KDSR: variants seen among roughly 807,000 people sequenced by gnomAD.
The protein encoded by KDSR is 3-ketodihydrosphingosine reductase.
Under a neutral mutation model 41.3 loss-of-function variants are expected in KDSR, and 23 were observed. The observed-to-expected ratio is 0.56, with a 90% CI of 0.40 to 0.79. The LOEUF (loss-of-function observed/expected upper bound fraction) is 0.79. Ranked by LOEUF, KDSR falls within the 30% of genes least tolerant of loss-of-function variation. KDSR has a pLI of 0.00. For missense variants in KDSR, 351 were observed against 416.8 expected (o/e 0.84, Z 1.37); for synonymous variants, 138 against 151.7 (o/e 0.91, Z 0.66).
At position 63,341,483 on chromosome 18, in the gene KDSR, A is replaced by G. The variant is rs12455992; in HGVS notation, c.694-2600T>C. ...AAAGGCCCAAGAGATTAAAAAAAAA[A>G]AGAGAGAGAAAATAGAAGGAAATTA... On this transcript the variant is annotated intron_variant, in intron 7 of 9. Transcript: ENST00000645214. Among the ~76,000 whole-genome samples, 411 of 152,154 alleles carry G rather than the reference A, an allele frequency of 2.7e-3. 6 individuals carry two copies. The highest frequency in any genetic ancestry group is 0.017 in the Admixed American group (254 of 15,290).
At chr18:63,356,128 T>C (rs1404039696) in intron 3 of KDSR, among the ~76,000 whole-genome samples, 2 of 152,220 alleles carry the variant, frequency 1.3e-5, no homozygotes, top group African/African-American at 4.8e-5. Flanking sequence ...CCAGGCGCGG[T>C]GGCTCACGCC....
intron 2 of KDSR, 35 bp from the exon 3 acceptor site, chr18:63,359,827 C>T (rs199634977): frequency 1.1e-5 from 16 of 1,410,608 alleles, no homozygotes; most frequent in South Asian, 6.9e-5. Context: ...TCGTGATGAC[C>T]GTCTATATGC....
At position 63,330,069 on chromosome 18, in the gene KDSR, T is replaced by C. The variant is rs909861287; in HGVS notation, c.*1713A>G. 1 of 185,000 alleles carries C rather than the reference T, an allele frequency of 5.4e-6. No homozygotes were observed. The highest frequency in any genetic ancestry group is 2.3e-5 in the African/African-American group (1 of 42,630). 11.5% of individuals were successfully genotyped at this position (185,000 alleles called of 1,614,324 possible). On this transcript the variant is annotated 3_prime_UTR_variant, in exon 10 of 10. Transcript: ENST00000645214. ...TCTGTATCTATCAGTGTTTAAAATA[T>C]GCTATTCTCAGATCTTAATAAAAAC...
chr18:63,359,612 C>T (rs1261956699), intron 3 of KDSR, 124 bp downstream of exon 3: 3 of 673,832 alleles, frequency 4.5e-6, no homozygotes, highest in African/African-American at 3.5e-5. Flanking sequence ...CAAACAATTC[C>T]ACCTTTTAAA....
intron 6 of KDSR, among the ~76,000 whole-genome samples, chr18:63,348,212 G>A (rs1404700858): frequency 6.6e-6 from 1 of 152,014 alleles, no homozygotes; most frequent in Admixed American, 6.5e-5. Context: ...GGGAGGCTGA[G>A]GTGGGAGGAC....
At chr18:63,364,233 G>A (rs956533232) in intron 1 of KDSR, among the ~76,000 whole-genome samples, 4 of 151,920 alleles carry the variant, frequency 2.6e-5, no homozygotes, top group African/African-American at 9.7e-5. Flanking sequence ...TTTCAGCACT[G>A]TATTTCTTCT....
chr18:63,336,668 C>G (rs1254535784), intron 8 of KDSR, among the ~76,000 whole-genome samples: 1 of 152,120 alleles, frequency 6.6e-6, no homozygotes, highest in Non-Finnish European at 1.5e-5. Flanking sequence ...AAGATCCATT[C>G]AAAGTACAAG....
Position 63,355,515 on chromosome 18 carries a change from C to T in KDSR, c.304G>A (p.Glu102Lys), listed in dbSNP as rs1407241604. The part of the protein sequence containing the change: ...VDVSQDYNQV[E>K]NVIKQAQEKL... ...CCTCTTACTTGTTTTATGACATTCT[C>T]TACTTGGTTATAGTCTTGAGATACA... Residue 102 changes from glutamate (E) to lysine (K), a missense_variant, in exon 4 of 10, where the codon GAG becomes AAG. Coordinates refer to ENST00000645214, the MANE Select transcript of KDSR (RefSeq NM_002035.4). 6.2e-7 allele frequency: 1 copy of T among 1,611,452 alleles called. No homozygotes were observed. Among genetic ancestry groups the T allele is most frequent in the Non-Finnish European group, 8.5e-7 (1 of 1,179,466 alleles).
intron 9 of KDSR, among the ~76,000 whole-genome samples, chr18:63,334,758 A>G (rs558048968): frequency 6.6e-6 from 1 of 152,318 alleles, no homozygotes; most frequent in African/African-American, 2.4e-5. Flanking sequence ...TAGCACACCA[A>G]TGAAACACTG....
chr18:63,360,128 A>C (rs1215847883), intron 2 of KDSR, among the ~76,000 whole-genome samples: 2 of 152,224 alleles, frequency 1.3e-5, no homozygotes, highest in Non-Finnish European at 2.9e-5. Flanking sequence ...GTTGTGATAT[A>C]AGACAAGAAC....
At position 63,331,678 on chromosome 18, in the gene KDSR, T is replaced by C. The variant is rs1914004815; in HGVS notation, c.*104A>G. 1 of 1,119,616 alleles carries C rather than the reference T, an allele frequency of 8.9e-7. No individual in the cohort carries two copies. Among genetic ancestry groups the C allele is most frequent in the South Asian group, 1.5e-5 (1 of 66,018 alleles). The allele number at this position is 1,119,616 out of a possible 1,614,324, so 69.4% of individuals were successfully genotyped here. ...AAGAGCACTGGTCCAATCTGACGTA[T>C]TCGAAAACAATACATAAGTGTCTAT... is the stretch of plus-strand genomic sequence containing the variant. On this transcript the variant is annotated 3_prime_UTR_variant, in exon 10 of 10. Coordinates refer to ENST00000645214, the MANE Select transcript of KDSR (RefSeq NM_002035.4).
chr18:63,344,423 T>A lies in KDSR; in HGVS notation c.680A>T (p.Glu227Val). 6.2e-7 allele frequency: 1 copy of A among 1,613,482 alleles called. No homozygotes were observed. Among genetic ancestry groups the A allele is most frequent in the Non-Finnish European group, 8.5e-7 (1 of 1,179,394 alleles). ...TAGGATACTGACCTTTGTTCTGTTT[T>A]CTTCGGCAAAGCCAGGTGTGTCTGT... is the stretch of plus-strand genomic sequence containing the variant. ...PDTDTPGFAE[E>V]NRTKPLETRL... The change falls in exon 7 of 10, where the codon GAA becomes GTA. Residue 227 changes from glutamate to valine, a missense_variant. By Grantham distance (121) the Glu-to-Val change is moderately radical. Coordinates refer to ENST00000645214, the MANE Select transcript of KDSR (RefSeq NM_002035.4).
rs1420012079 is a variant in KDSR, at chr18:63,328,452, A to C, written c.*3330T>G. On this transcript the variant is annotated 3_prime_UTR_variant, in exon 10 of 10. Transcript: ENST00000645214. ...ACTGCAACCTCTGCCTCCTGGGTTC[A>C]AGCGATTCTCCTGCCTCAGCCTCCT... is the stretch of plus-strand genomic sequence containing the variant. 2 of 155,226 alleles carry C rather than the reference A, an allele frequency of 1.3e-5. No individual in the cohort carries two copies. The highest frequency in any genetic ancestry group is 1.3e-4 in the Admixed American group (2 of 15,288). The allele number at this position is 155,226 out of a possible 1,614,324, so 9.6% of individuals were successfully genotyped here.
intron 8 of KDSR, among the ~76,000 whole-genome samples, chr18:63,337,094 T>TTATATATATATATATGTGAATATA (rs1914189233): frequency 5.2e-5 from 2 of 38,702 alleles, no homozygotes; most frequent in South Asian, 6.2e-4. Context: ...ATATGTGACT[T>TTATATATATATATATGTGAATATA]TATATATATA....
At chr18:63,332,277 A>C (rs980581571) in intron 9 of KDSR, among the ~76,000 whole-genome samples, 2 of 152,164 alleles carry the variant, frequency 1.3e-5, no homozygotes, top group African/African-American at 4.8e-5. Flanking sequence ...GCGAGACCCT[A>C]TACTAGGTGC....
chr18:63,335,532 CAACAAGTGAGTCCACG>C, intron 8 of KDSR, 174 bp from the exon 9 acceptor site: 1 of 575,032 alleles, frequency 1.7e-6, no homozygotes, highest in South Asian at 2.1e-5. Context: ...TGGCAGTTCT[CAACAAGTGAGTCCACG>C]GACCCCTGCG....
rs1251788204 is a variant in KDSR, at chr18:63,359,600, T to C, written c.255+136A>G. On this transcript the variant is annotated intron_variant, in intron 3 of 9. Coordinates refer to ENST00000645214, the MANE Select transcript of KDSR (RefSeq NM_002035.4). ...TGTGATATTCTGAGTTACTAGACCATTCAAACAATTCCACCTTTTAAAAAA... is the reference window on the plus strand; with the variant it reads ...TGTGATATTCTGAGTTACTAGACCACTCAAACAATTCCACCTTTTAAAAAA... The C allele has an allele frequency of 4.6e-6, 3 of 645,174 alleles. No homozygotes were observed. In the Admixed American group the frequency reaches 6.9e-5, roughly 15 times the overall value. 40.0% of individuals were successfully genotyped at this position (645,174 alleles called of 1,614,324 possible).
chr18:63,361,643 T>C lies in KDSR; in HGVS notation c.198+1136A>G, dbSNP rs527480599. ...CAGCCTGACCAACATGGTGAAACCC[T>C]GTCTCTACTAAAAATACAAAAATTA... is the stretch of plus-strand genomic sequence containing the variant. On this transcript the variant is annotated intron_variant, in intron 2 of 9. Coordinates refer to ENST00000645214, the MANE Select transcript of KDSR (RefSeq NM_002035.4). Among the ~76,000 whole-genome samples the C allele has an allele frequency of 2.1e-3, 317 of 151,628 alleles. 1 individual carries two copies. Among genetic ancestry groups the C allele is most frequent in the African/African-American group, 6.7e-3 (275 of 41,350 alleles).
chr18:63,367,170 G>C lies in KDSR; in HGVS notation c.-52C>G. ...CGGCCGGGCGGGGGCCGCCGGGCAA[G>C]GCGCGCAGGGCTGGGCTGCGGCGAG... On this transcript the variant is annotated 5_prime_UTR_variant, in exon 1 of 10. Coordinates refer to ENST00000645214, the MANE Select transcript of KDSR (RefSeq NM_002035.4). The C allele has an allele frequency of 1.0e-6, 1 of 966,980 alleles. No homozygotes were observed. The highest frequency in any genetic ancestry group is 1.4e-6 in the Non-Finnish European group (1 of 738,212). 59.9% of individuals were successfully genotyped at this position (966,980 alleles called of 1,614,324 possible). A position where few individuals can be genotyped will look rare whatever the true frequency, so the allele number is the denominator to read the frequency against.
Sources: gnomAD v4.1 joint callset for allele counts (sites outside exome capture counted in the v4.1 genomes callset) on GRCh38, gnomAD v4.1.1 for gene constraint, MANE v1.5 for transcripts, NCBI Gene and HGNC (gene_info 2026-07-23, HGNC 2026-07-21) for gene names.